The following LINGO2 variants were observed in gnomAD, a reference collection of about 807,000 sequenced individuals.
LINGO2 encodes leucine-rich repeat and immunoglobulin-like domain-containing nogo receptor-interacting protein 2.
Under a neutral mutation model 30.6 loss-of-function variants are expected in LINGO2, and 14 were observed. The ratio of observed to expected loss-of-function variants is 0.46; its 90% CI spans 0.30 to 0.72. LINGO2 has a LOEUF of 0.72. Ranked by LOEUF, LINGO2 falls within the 30% of genes least tolerant of loss-of-function variation. The pLI, the probability that LINGO2 is intolerant of heterozygous loss-of-function variation, is 0.07. For missense variants in LINGO2, 729 were observed against 751.7 expected (o/e 0.97, Z 0.35); for synonymous variants, 317 against 288.5 (o/e 1.10, Z -1.00).
intron 3 of LINGO2, among the ~76,000 whole-genome samples, chr9:28,340,298 C>T (rs1053553288): frequency 6.6e-6 from 1 of 152,062 alleles, no homozygotes; most frequent in Admixed American, 6.6e-5. Context: ...AGCACAATGT[C>T]TCGTATATAA....
At chr9:28,247,374 A>T (rs1364053477) in intron 4 of LINGO2, among the ~76,000 whole-genome samples, 1 of 152,228 alleles carries the variant, frequency 6.6e-6, no homozygotes, top group Admixed American at 6.5e-5. Context: ...GATAGACTGG[A>T]TAAAGAAAAT....
the LINGO2 span, among the ~76,000 whole-genome samples, chr9:28,907,174 T>C: frequency 2.6e-5 from 4 of 152,034 alleles, no homozygotes; most frequent in Admixed American, 1.3e-4. Context: ...AAAGTTAATC[T>C]GCATGATTAA....
chr9:28,675,598 C>A, the LINGO2 span, among the ~76,000 whole-genome samples: 1 of 151,536 alleles, frequency 6.6e-6, no homozygotes, highest in Non-Finnish European at 1.5e-5. Flanking sequence ...TAACATTTTG[C>A]GGTGGCTCAC....
chr9:28,467,846 ATAAC>A (rs779611585), intron 2 of LINGO2, among the ~76,000 whole-genome samples: 43 of 152,134 alleles, frequency 2.8e-4, no homozygotes, highest in African/African-American at 2.9e-4. Flanking sequence ...GTCAACATGA[ATAAC>A]TAACTAATTC....
intron 4 of LINGO2, among the ~76,000 whole-genome samples, chr9:28,039,500 G>A (rs781369736): frequency 6.6e-6 from 1 of 152,082 alleles, no homozygotes; most frequent in African/African-American, 2.4e-5. Flanking sequence ...AAGGATGAGT[G>A]TAACAGGTGT....
At chr9:28,141,503 AG>A (rs1200234541) in intron 4 of LINGO2, among the ~76,000 whole-genome samples, 1 of 152,222 alleles carries the variant, frequency 6.6e-6, no homozygotes, top group African/African-American at 2.4e-5. Flanking sequence ...CAATAATTTA[AG>A]GGATTCAAGA....
chr9:29,030,654 T>C, the LINGO2 span, among the ~76,000 whole-genome samples: 1 of 152,154 alleles, frequency 6.6e-6, no homozygotes, highest in Admixed American at 6.6e-5. Flanking sequence ...TATCAAGAAG[T>C]TCATGATGTC....
intron 5 of LINGO2, among the ~76,000 whole-genome samples, chr9:27,959,957 A>G (rs1482971918): frequency 6.6e-6 from 1 of 152,126 alleles, no homozygotes; most frequent in Non-Finnish European, 1.5e-5. Context: ...TCTGATATTA[A>G]GCACATGCTC....
chr9:28,690,500 T>C, the LINGO2 span, among the ~76,000 whole-genome samples: 1 of 152,210 alleles, frequency 6.6e-6, no homozygotes, highest in Admixed American at 6.5e-5. Context: ...TCCATTTCTC[T>C]GGGTAAGGCC....
intron 1 of LINGO2, among the ~76,000 whole-genome samples, chr9:28,550,246 C>T (rs1259779496): frequency 6.6e-6 from 1 of 151,822 alleles, no homozygotes; most frequent in East Asian, 1.9e-4. Flanking sequence ...CCAACATACA[C>T]ATGGGATCTT....
chr9:28,433,437 C>G (rs1402309985), intron 2 of LINGO2, among the ~76,000 whole-genome samples: 1 of 152,100 alleles, frequency 6.6e-6, no homozygotes. Flanking sequence ...AACGTCCCCT[C>G]TACTTAGGGA....
the LINGO2 span, among the ~76,000 whole-genome samples, chr9:29,108,824 T>C: frequency 0.24 from 35,893 of 152,050 alleles, 4,374 homozygotes; most frequent in East Asian, 0.4. Context: ...AGCCAGGAAA[T>C]GAAGCAGGTG....
At chr9:28,609,148 G>A (rs1415021654) in intron 1 of LINGO2, among the ~76,000 whole-genome samples, 1 of 138,270 alleles carries the variant, frequency 7.2e-6, no homozygotes, top group African/African-American at 2.8e-5. Flanking sequence ...GGATTAATGA[G>A]CTAAAGAGTT....
intron 2 of LINGO2, among the ~76,000 whole-genome samples, chr9:28,385,205 C>G (rs146504016): frequency 6.6e-6 from 1 of 152,238 alleles, no homozygotes; most frequent in East Asian, 1.9e-4. Flanking sequence ...TCCTTTCATT[C>G]TTTTAAAGAT....
chr9:27,974,375 GC>G (rs1338325615), intron 5 of LINGO2, among the ~76,000 whole-genome samples: 1 of 152,124 alleles, frequency 6.6e-6, no homozygotes, highest in Non-Finnish European at 1.5e-5. Flanking sequence ...TTCAGAGAAA[GC>G]TTTTTAGGGG....
chr9:28,779,909 T>C, the LINGO2 span, among the ~76,000 whole-genome samples: 1 of 152,068 alleles, frequency 6.6e-6, no homozygotes, highest in Non-Finnish European at 1.5e-5. Context: ...CTTCTTACTA[T>C]CCCTCTGATG....
chr9:29,107,515 A>G, the LINGO2 span, among the ~76,000 whole-genome samples: 1 of 152,130 alleles, frequency 6.6e-6, no homozygotes. Context: ...AAAGTTTCTC[A>G]GGCATTTAAA....
intron 4 of LINGO2, among the ~76,000 whole-genome samples, chr9:28,030,586 A>C (rs558708823): frequency 1.3e-5 from 2 of 152,216 alleles, no homozygotes; most frequent in East Asian, 1.9e-4. Flanking sequence ...TCAATGCTTT[A>C]AGTATCTAAC....
the LINGO2 span, among the ~76,000 whole-genome samples, chr9:28,847,028 G>A: frequency 6.9e-6 from 1 of 145,744 alleles, no homozygotes; most frequent in African/African-American, 2.7e-5. Context: ...TCCTACAAGT[G>A]GCAATATCAG....
Sources: gnomAD v4.1 joint callset for allele counts (sites outside exome capture counted in the v4.1 genomes callset) on GRCh38, gnomAD v4.1.1 for gene constraint, MANE v1.5 for transcripts, NCBI Gene and HGNC (gene_info 2026-07-23, HGNC 2026-07-21) for gene names.